PISD: variants seen among roughly 807,000 people sequenced by gnomAD.
PISD encodes the protein phosphatidylserine decarboxylase.
Under a neutral mutation model 43.5 loss-of-function variants are expected in PISD, and 31 were observed. That is an observed-to-expected ratio of 0.71 (90% CI 0.54 to 0.96). PISD has a LOEUF of 0.96. Among genes scored for constraint, PISD ranks in the 40% least tolerant of loss-of-function variants. The probability of loss-of-function intolerance (pLI) is 0.00; values close to 1 mark genes in which losing one functional copy is unlikely to be tolerated. For missense variants in PISD, 523 were observed against 548.4 expected (o/e 0.95, Z 0.46); for synonymous variants, 259 against 228.7 (o/e 1.13, Z -1.20).
intron 3 of PISD, chr22:31,625,586 G>A (rs1344350449): frequency 1.0e-5 from 7 of 702,890 alleles, no homozygotes; most frequent in South Asian, 1.8e-5. Context: ...GATACCTGAA[G>A]CGGGCTCTCC....
At chr22:31,650,094 AAACT>A (rs1208425429) in intron 2 of PISD, among the ~76,000 whole-genome samples, 1 of 152,228 alleles carries the variant, frequency 6.6e-6, no homozygotes, top group Non-Finnish European at 1.5e-5. Flanking sequence ...CAGCCCTAGC[AAACT>A]AATACAACAT....
chr22:31,625,785 G>A, intron 3 of PISD: 1 of 1,597,902 alleles, frequency 6.3e-7, no homozygotes, highest in Non-Finnish European at 8.5e-7. Flanking sequence ...CGGAGCTCTG[G>A]TCCTTGCCGC....
intron 3 of PISD, among the ~76,000 whole-genome samples, chr22:31,639,482 C>T (rs2073624342): frequency 6.6e-6 from 1 of 152,152 alleles, no homozygotes; most frequent in African/African-American, 2.4e-5. Context: ...CCCACCTCAG[C>T]CTCCCAAAGT....
At chr22:31,637,183 ATATATATATATATATATATATATAG>A (rs2073523243) in intron 3 of PISD, among the ~76,000 whole-genome samples, 1 of 71,638 alleles carries the variant, frequency 1.4e-5, no homozygotes, top group African/African-American at 5.9e-5. Flanking sequence ...ATATATATAT[ATATATATATATATATATATATATAG>A]AAAAATTAGC....
chr22:31,661,385 T>C (rs1156279816), intron 1 of PISD, among the ~76,000 whole-genome samples: 1 of 143,562 alleles, frequency 7.0e-6, no homozygotes. Flanking sequence ...CGACTCTGAA[T>C]CACAGCTACA....
chr22:31,628,326 C>T, intron 3 of PISD: 1 of 358,362 alleles, frequency 2.8e-6, no homozygotes, highest in Non-Finnish European at 3.9e-6. Context: ...CTGGCTTGCC[C>T]TCTGCCTATG....
intron 3 of PISD, among the ~76,000 whole-genome samples, chr22:31,637,176 T>C (rs1436251895): frequency 4.6e-5 from 2 of 43,310 alleles, no homozygotes; most frequent in Non-Finnish European, 7.5e-5. Context: ...TATATATATA[T>C]ATATATATAT....
rs559943548 is a variant in PISD at position 31,622,717 on chromosome 22, C to CA, written c.322-833dup. 6.6e-5 allele frequency among the ~76,000 whole-genome samples: 10 copies of CA among 152,352 alleles called. No individual in the cohort carries two copies. In the South Asian group the frequency reaches 2.1e-3, roughly 32 times the overall value. On this transcript the variant is annotated intron_variant, in intron 3 of 7. Coordinates refer to ENST00000439502, the MANE Select transcript of PISD (RefSeq NM_001326411.2). ...TCAGGGAAGCCTGGAGCACCTAAGACAGACGATGGCCTGGGGACAAGCACT... is the reference window on the plus strand; with the variant it reads ...TCAGGGAAGCCTGGAGCACCTAAGACAAGACGATGGCCTGGGGACAAGCACT...
intron 3 of PISD, chr22:31,638,423 G>A (rs1383721923): frequency 3.0e-6 from 3 of 985,258 alleles, no homozygotes; most frequent in African/African-American, 1.7e-5. Context: ...GTCTGTGGAG[G>A]GGCGAGGAAG....
In PISD at chr22:31,620,710, G is replaced by C. The variant is rs1417520186; in HGVS notation, c.848C>G (p.Ser283Cys). 2 of 1,614,106 alleles carry C rather than the reference G, an allele frequency of 1.2e-6. No homozygotes were observed. The highest frequency in any genetic ancestry group is 1.7e-5 in the Admixed American group (1 of 60,012). The change falls in exon 7 of 8, where the codon TCC (serine) becomes TGC (cysteine). Residue 283 changes from serine to cysteine, a missense_variant. Ser to Cys is a moderately radical substitution (Grantham distance 112). Transcript: ENST00000439502. ...TVSHRRHFPGSLMSVNPGMAR... is the reference protein window; with the variant it reads ...TVSHRRHFPGCLMSVNPGMAR... ...CATGCCAGGGTTCACTGACATCAGGGAGCCTGCAGAGGCAGGGAATGCCGC... is the reference window on the plus strand; with the variant it reads ...CATGCCAGGGTTCACTGACATCAGGCAGCCTGCAGAGGCAGGGAATGCCGC...
intron 7 of PISD, among the ~76,000 whole-genome samples, 199 bp downstream of exon 7, chr22:31,620,354 G>C (rs1018036534): frequency 1.3e-5 from 2 of 152,250 alleles, no homozygotes; most frequent in African/African-American, 4.8e-5. Flanking sequence ...CCAGCCAGCA[G>C]TGCAAGGAGG....
intron 3 of PISD, chr22:31,623,650 G>A (rs1450202381): frequency 6.3e-7 from 1 of 1,590,578 alleles, no homozygotes. Context: ...GCCCGGAAGG[G>A]AGGTCCGAGC....
rs60020183 is a variant in PISD, at chr22:31,639,180, CT to C, written c.321+8920del. 2.3e-3 allele frequency among the ~76,000 whole-genome samples: 304 copies of C among 133,364 alleles called. 1 individual carries two copies. Among genetic ancestry groups the C allele is most frequent in the Middle Eastern group, 4.2e-3 (1 of 236 alleles). The allele number at this position is 133,364 out of a possible 152,430, so 87.5% of individuals were successfully genotyped here. ...CTGGCTAATTTTTCTTTTCCTTTTT[CT>C]TTTTTTTTTTTTTGAGACAGAGTTT... is the stretch of plus-strand genomic sequence containing the variant. On this transcript the variant is annotated intron_variant, in intron 3 of 7. Coordinates refer to ENST00000439502, the MANE Select transcript of PISD (RefSeq NM_001326411.2).
rs1468602062 is a variant in PISD, at chr22:31,619,810, G to A, written c.1032C>T (p.His344=). 3 of 1,613,942 alleles carry A rather than the reference G, an allele frequency of 1.9e-6. No homozygotes were observed. Among genetic ancestry groups the A allele is most frequent in the Admixed American group, 1.7e-5 (1 of 59,996 alleles). ...DRDLHTNSPR[H]SKGSYNDFSF... Reference sequence around the variant, plus strand: ...TGAAGTCATTGTAGGAGCCCTTGCTGTGCCTTGGGCTGTTTGTGTGCAGGT... The same window carrying A: ...TGAAGTCATTGTAGGAGCCCTTGCTATGCCTTGGGCTGTTTGTGTGCAGGT... Residue 344 remains histidine, a synonymous_variant, in exon 8 of 8, where the codon CAC becomes CAT. Transcript: ENST00000439502.
chr22:31,621,038 A>T lies in PISD; in HGVS notation c.802T>A (p.Ser268Thr). 6.2e-7 allele frequency: 1 copy of T among 1,613,696 alleles called. No homozygotes were observed. Among genetic ancestry groups the T allele is most frequent in the Non-Finnish European group, 8.5e-7 (1 of 1,179,828 alleles). The change falls in exon 6 of 8, where the codon TCC (serine) becomes ACC (threonine). Residue 268 changes from serine to threonine, a missense_variant. By Grantham distance (58) the Ser-to-Thr change is moderately conservative. Transcript: ENST00000439502. ...TGGGACACAGTCCAGTCGGTGGGGGAGTGGAAGCAGTGGTAGTCCCCAGGG... is the reference window on the plus strand; with the variant it reads ...TGGGACACAGTCCAGTCGGTGGGGGTGTGGAAGCAGTGGTAGTCCCCAGGG... ...LAPGDYHCFH[S>T]PTDWTVSHRR... is the part of the protein sequence containing the mutation.
chr22:31,654,068 CCTCT>C (rs1195264673), intron 1 of PISD, among the ~76,000 whole-genome samples: 5 of 152,192 alleles, frequency 3.3e-5, no homozygotes, highest in African/African-American at 1.2e-4. Context: ...CACCTCTCAG[CCTCT>C]CTTAGTCCCA....
At chr22:31,654,471 T>C (rs1025983911) in intron 1 of PISD, among the ~76,000 whole-genome samples, 1 of 152,118 alleles carries the variant, frequency 6.6e-6, no homozygotes, top group African/African-American at 2.4e-5. Context: ...AATGGCCCCA[T>C]TTTGAGTCCT....
chr22:31,661,815 A>T (rs1374742693), intron 1 of PISD, among the ~76,000 whole-genome samples: 1 of 152,168 alleles, frequency 6.6e-6, no homozygotes, highest in African/African-American at 2.4e-5. Flanking sequence ...ACGAAAACGA[A>T]CACACGAGAA....
At chr22:31,626,473 G>A (rs2072913438) in intron 3 of PISD, among the ~76,000 whole-genome samples, 1 of 152,216 alleles carries the variant, frequency 6.6e-6, no homozygotes, top group Non-Finnish European at 1.5e-5. Flanking sequence ...GTGCCCTGGT[G>A]AGAACCTGGC....
Sources: allele counts gnomAD v4.1 joint callset (sites outside exome capture counted in the v4.1 genomes callset), GRCh38; gene constraint gnomAD v4.1.1; transcripts MANE v1.5; gene names NCBI Gene and HGNC (gene_info 2026-07-23, HGNC 2026-07-21).